The following GALR1 variants were observed in gnomAD, a reference collection of about 807,000 sequenced individuals.
GALR1 encodes galanin receptor 1.
A neutral mutation model predicts 17.9 loss-of-function variants in GALR1; 11 were observed. That is an observed-to-expected ratio of 0.62 (90% CI 0.39 to 1.02). The LOEUF (loss-of-function observed/expected upper bound fraction) is 1.02. Among genes scored for constraint, GALR1 ranks in the 50% least tolerant of loss-of-function variants. The probability of loss-of-function intolerance (pLI) is 0.01; values close to 1 mark genes in which losing one functional copy is unlikely to be tolerated. For synonymous variants in GALR1, 206 were observed against 205.7 expected (o/e 1.00, Z -0.01); for missense variants, 441 against 456.9 (o/e 0.97, Z 0.32).
At position 77,276,862 on chromosome 18, in the gene GALR1, A is replaced by G. The variant is rs930501630; in HGVS notation, c.*7960A>G. On this transcript the variant is annotated 3_prime_UTR_variant, in exon 3 of 3. Coordinates refer to ENST00000299727, the MANE Select transcript of GALR1 (RefSeq NM_001480.4). ...AGCTACAGAAATTTGTAAGTTTTCA[A>G]AAGCATGAAGGAGTTTAATAACTTG... The G allele has an allele frequency of 6.6e-6, 1 of 152,228 alleles. No individual in the cohort carries two copies. Among genetic ancestry groups the G allele is most frequent in the African/African-American group, 2.4e-5 (1 of 41,468 alleles). 9.4% of individuals were successfully genotyped at this position (152,228 alleles called of 1,614,324 possible).
chr18:77,261,918 G>A (rs1474672864), intron 2 of GALR1, among the ~76,000 whole-genome samples: 3 of 152,118 alleles, frequency 2.0e-5, no homozygotes, highest in Non-Finnish European at 4.4e-5. Context: ...CAACTTTGTG[G>A]GCTCAAGAGA....
intron 2 of GALR1, among the ~76,000 whole-genome samples, chr18:77,258,551 G>GAT (rs1912649234): frequency 6.8e-6 from 1 of 147,300 alleles, no homozygotes; most frequent in Admixed American, 6.6e-5. Context: ...TGGTGGTGAT[G>GAT]GTGGTGGTCA....
In GALR1 at chr18:77,275,149, T is replaced by G. The variant is rs1055402580; in HGVS notation, c.*6247T>G. On this transcript the variant is annotated 3_prime_UTR_variant, in exon 3 of 3. Transcript: ENST00000299727. The stretch of plus-strand genomic sequence containing the variant: ...CATGTGGCCTCCTGAGGGCCTTGCA[T>G]GGGGTTCTGGACCCAGCGGGGGCCA... 4.6e-5 allele frequency: 7 copies of G among 152,266 alleles called. No homozygotes were observed. Among genetic ancestry groups the G allele is most frequent in the Admixed American group, 6.5e-5 (1 of 15,280 alleles). The allele number at this position is 152,266 out of a possible 1,614,324, so 9.4% of individuals were successfully genotyped here. A position where few individuals can be genotyped will look rare whatever the true frequency, so the allele number is the denominator to read the frequency against.
intron 2 of GALR1, among the ~76,000 whole-genome samples, chr18:77,267,043 T>C (rs1274187048): frequency 1.3e-5 from 2 of 152,244 alleles, no homozygotes; most frequent in Non-Finnish European, 2.9e-5. Flanking sequence ...GCCAAGAGGC[T>C]GAAAGGTGCA....
chr18:77,257,952 A>G (rs1274555995), intron 2 of GALR1, among the ~76,000 whole-genome samples: 1 of 152,260 alleles, frequency 6.6e-6, no homozygotes, highest in Non-Finnish European at 1.5e-5. Context: ...ACCAAAAGAA[A>G]TAAAACCAAA....
At chr18:77,258,953 GGTGGTC>G (rs1415060655) in intron 2 of GALR1, among the ~76,000 whole-genome samples, 4 of 142,538 alleles carry the variant, frequency 2.8e-5, no homozygotes, top group African/African-American at 1.1e-4. Context: ...TGGTGGTCAT[GGTGGTC>G]ATGGTGGCGA....
intron 2 of GALR1, among the ~76,000 whole-genome samples, chr18:77,267,312 C>T (rs1912964500): frequency 1.3e-5 from 2 of 152,224 alleles, no homozygotes; most frequent in Non-Finnish European, 1.5e-5. Context: ...AGCTCAGCTG[C>T]CCAGTGCATG....
In GALR1 at chr18:77,266,284, A is replaced by G. The variant is rs550670404; in HGVS notation, c.733-2301A>G. Among the ~76,000 whole-genome samples, 37 of 152,262 alleles carry G rather than the reference A, an allele frequency of 2.4e-4. 1 individual carries two copies. In the South Asian group the frequency reaches 7.7e-3, roughly 32 times the overall value. On this transcript the variant is annotated intron_variant, in intron 2 of 2. Transcript: ENST00000299727. ...TCCATCTGAGACTACCTTAGCCTGG[A>G]CTTCATTGTCCATATCACTATCACC...
At chr18:77,252,955 A>T (rs1912487376) in intron 1 of GALR1, among the ~76,000 whole-genome samples, 1 of 76,378 alleles carries the variant, frequency 1.3e-5, no homozygotes. Context: ...CACCATCACC[A>T]CCATCACCAC....
rs1568138969 is a variant in GALR1, at chr18:77,252,878, C to CCAT, written c.666+1667_666+1669dup. ...AACACCACCACCACCACCACCACCACCATCACCACCACCACCATCACCACC... is the reference window on the plus strand; with the variant it reads ...AACACCACCACCACCACCACCACCACCATCATCACCACCACCACCATCACCACC... On this transcript the variant is annotated intron_variant, in intron 1 of 2. Coordinates refer to ENST00000299727, the MANE Select transcript of GALR1 (RefSeq NM_001480.4). 2.2e-4 allele frequency among the ~76,000 whole-genome samples: 23 copies of CCAT among 104,412 alleles called. 2 individuals carry two copies. In the East Asian group the frequency reaches 6.6e-3, roughly 30 times the overall value. The allele number at this position is 104,412 out of a possible 152,430, so 68.5% of individuals were successfully genotyped here.
At chr18:77,263,028 G>A (rs144609786) in intron 2 of GALR1, among the ~76,000 whole-genome samples, 18 of 152,368 alleles carry the variant, frequency 1.2e-4, no homozygotes, top group Non-Finnish European at 2.1e-4. Context: ...GATCTTATCA[G>A]TAAGCTGCTG....
rs371377239 is a variant in GALR1 at position 77,250,856 on chromosome 18, T to C, written c.308T>C (p.Leu103Pro). 1 of 1,612,518 alleles carries C rather than the reference T, an allele frequency of 6.2e-7. No homozygotes were observed. The highest frequency in any genetic ancestry group is 1.3e-5 in the African/African-American group (1 of 74,930). Residue 103 changes from leucine (L) to proline (P), a missense_variant, in exon 1 of 3, where the codon CTG becomes CCG. By Grantham distance (98) the Leu-to-Pro change is moderately conservative. Transcript: ENST00000299727. ...ATVYALPTWV[L>P]GAFICKFIHY... is the part of the protein sequence containing the mutation. Reference sequence around the variant, plus strand: ...GTGTACGCGCTGCCCACCTGGGTGCTGGGCGCCTTCATCTGCAAGTTCATC... The same window carrying C: ...GTGTACGCGCTGCCCACCTGGGTGCCGGGCGCCTTCATCTGCAAGTTCATC...
rs1599367621 is a variant in GALR1 at position 77,272,737 on chromosome 18, A to AG, written c.*3835_*3836insG. 6.6e-6 allele frequency: 1 copy of AG among 152,254 alleles called. No homozygotes were observed. The highest frequency in any genetic ancestry group is 1.9e-4 in the East Asian group (1 of 5,198). 9.4% of individuals were successfully genotyped at this position (152,254 alleles called of 1,614,324 possible). ...GTAGATGTTAATGACTTGTTTAATT[A>AG]TTGACTTACTTATTTTAAAAGCTGT... On this transcript the variant is annotated 3_prime_UTR_variant, in exon 3 of 3. Coordinates refer to ENST00000299727, the MANE Select transcript of GALR1 (RefSeq NM_001480.4).
intron 2 of GALR1, among the ~76,000 whole-genome samples, chr18:77,258,396 A>G (rs773796035): frequency 2.2e-4 from 33 of 151,658 alleles, no homozygotes; most frequent in Non-Finnish European, 4.1e-4. Flanking sequence ...ATCTTTGTTG[A>G]TGTATTTAAT....
chr18:77,262,617 G>C (rs1912857312), intron 2 of GALR1, among the ~76,000 whole-genome samples: 1 of 152,204 alleles, frequency 6.6e-6, no homozygotes, highest in African/African-American at 2.4e-5. Context: ...TTACCAACCA[G>C]GAGGCCTTCA....
Position 77,272,479 on chromosome 18 carries a change from G to A in GALR1, c.*3577G>A, listed in dbSNP as rs1195075982. The A allele has an allele frequency of 6.6e-6, 1 of 152,234 alleles. No individual in the cohort carries two copies. The highest frequency in any genetic ancestry group is 1.5e-5 in the Non-Finnish European group (1 of 68,042). The allele number at this position is 152,234 out of a possible 1,614,324, so 9.4% of individuals were successfully genotyped here. A position where few individuals can be genotyped will look rare whatever the true frequency, so the allele number is the denominator to read the frequency against. ...ATAACCTATTGGGCAGCTTCATCATGTTCTTGCTTTAAATGATTTATCAAA... is the reference window on the plus strand; with the variant it reads ...ATAACCTATTGGGCAGCTTCATCATATTCTTGCTTTAAATGATTTATCAAA... On this transcript the variant is annotated 3_prime_UTR_variant, in exon 3 of 3. Transcript: ENST00000299727.
chr18:77,253,486 C>T (rs1490317110), intron 1 of GALR1, among the ~76,000 whole-genome samples: 1 of 152,174 alleles, frequency 6.6e-6, no homozygotes, highest in East Asian at 1.9e-4. Context: ...CCAAAGCCTT[C>T]AGGGAGAAGA....
chr18:77,252,557 GA>G (rs1407297868), intron 1 of GALR1, among the ~76,000 whole-genome samples: 2 of 152,132 alleles, frequency 1.3e-5, no homozygotes, highest in Admixed American at 6.5e-5. Flanking sequence ...GATATTATCT[GA>G]ACGGCCTGCA....
rs1415935952 is a variant in GALR1, at chr18:77,277,382, T to G, written c.*8480T>G. The stretch of plus-strand genomic sequence containing the variant: ...CTTGCGATAGTGAGTTCTCAGGAGA[T>G]CTGATGGTTTTATAAGCATCTAGCA... On this transcript the variant is annotated 3_prime_UTR_variant, in exon 3 of 3. Transcript: ENST00000299727. 6.6e-6 allele frequency: 1 copy of G among 152,178 alleles called. No individual in the cohort carries two copies. The highest frequency in any genetic ancestry group is 2.4e-5 in the African/African-American group (1 of 41,428). The allele number at this position is 152,178 out of a possible 1,614,324, so 9.4% of individuals were successfully genotyped here.
Sources: gnomAD v4.1 joint callset for allele counts (sites outside exome capture counted in the v4.1 genomes callset) on GRCh38, gnomAD v4.1.1 for gene constraint, MANE v1.5 for transcripts, NCBI Gene and HGNC (gene_info 2026-07-23, HGNC 2026-07-21) for gene names.